The following RFTN1 variants were observed in gnomAD, a reference collection of about 807,000 sequenced individuals.
The protein encoded by RFTN1 is raftlin, lipid raft linker 1, also known as raftlin.
Under a neutral mutation model 46.5 loss-of-function variants are expected in RFTN1, and 26 were observed. The ratio of observed to expected loss-of-function variants is 0.56; its 90% CI spans 0.41 to 0.78. The LOEUF is 0.78. Among genes scored for constraint, RFTN1 ranks in the 30% least tolerant of loss-of-function variants. The pLI, the probability that RFTN1 is intolerant of heterozygous loss-of-function variation, is 0.00. For missense variants in RFTN1, 693 were observed against 718.7 expected (o/e 0.96, Z 0.41); for synonymous variants, 261 against 284.2 (o/e 0.92, Z 0.82).
In RFTN1 at chr3:16,509,868, C is replaced by T. The variant is rs539035174; in HGVS notation, c.-9+3574G>A. Among the ~76,000 whole-genome samples, 1 of 152,336 alleles carries T rather than the reference C, an allele frequency of 6.6e-6. No individual in the cohort carries two copies. Among genetic ancestry groups the T allele is most frequent in the Admixed American group, 6.5e-5 (1 of 15,306 alleles). ...AGGAGGAGGGAACAGTCCCCAAACACAGTGCAATGTCTCAAGACTGAGCTG... is the reference window on the plus strand; with the variant it reads ...AGGAGGAGGGAACAGTCCCCAAACATAGTGCAATGTCTCAAGACTGAGCTG... On this transcript the variant is annotated intron_variant, in intron 1 of 9. Transcript: ENST00000334133. This position sits in a 1 kb window ranked among gnomAD's most constrained non-coding sequence, Gnocchi z 4.9.
intron 4 of RFTN1, among the ~76,000 whole-genome samples, chr3:16,397,600 A>G (rs566364933): frequency 1.7e-4 from 26 of 152,330 alleles, no homozygotes; most frequent in African/African-American, 6.3e-4. Context: ...TATGTACAAT[A>G]AAAATAAAAC....
Position 16,447,620 on chromosome 3 carries a change from C to T in RFTN1, c.146-13583G>A, listed in dbSNP as rs923180004. On this transcript the variant is annotated intron_variant, in intron 2 of 9. Transcript: ENST00000334133. This position sits in a 1 kb window ranked among gnomAD's most constrained non-coding sequence, Gnocchi z 5.9. ...CCTCCCAGCTGCCTTCTCAGGCATTCCAGTGAAAAAGAGAAAAGTTTGAGA... is the reference window on the plus strand; with the variant it reads ...CCTCCCAGCTGCCTTCTCAGGCATTTCAGTGAAAAAGAGAAAAGTTTGAGA... 2.6e-5 allele frequency among the ~76,000 whole-genome samples: 4 copies of T among 152,094 alleles called. No homozygotes were observed. The highest frequency in any genetic ancestry group is 7.2e-5 in the African/African-American group (3 of 41,400).
Position 16,413,783 on chromosome 3 carries a change from A to T in RFTN1, c.333-4300T>A, listed in dbSNP as rs2075018418. ...TGCTTCCCCATCACTCGCCATCCCCAACTTGGTATGATAATTCCAATAGAT... is the reference window on the plus strand; with the variant it reads ...TGCTTCCCCATCACTCGCCATCCCCTACTTGGTATGATAATTCCAATAGAT... On this transcript the variant is annotated intron_variant, in intron 3 of 9. Transcript: ENST00000334133. This position sits in a 1 kb window ranked among gnomAD's most constrained non-coding sequence, Gnocchi z 4.7. Among the ~76,000 whole-genome samples the T allele has an allele frequency of 6.6e-6, 1 of 152,196 alleles. No individual in the cohort carries two copies. The highest frequency in any genetic ancestry group is 1.5e-5 in the Non-Finnish European group (1 of 68,026).
At chr3:16,490,715 A>C (rs898220321) in intron 2 of RFTN1, among the ~76,000 whole-genome samples, 1 of 152,258 alleles carries the variant, frequency 6.6e-6, no homozygotes, top group East Asian at 1.9e-4. Context: ...TCACAACATT[A>C]TTTGTAATAG....
At position 16,458,977 on chromosome 3, in the gene RFTN1, C is replaced by G. The variant is rs1218803026; in HGVS notation, c.146-24940G>C. On this transcript the variant is annotated intron_variant, in intron 2 of 9. Coordinates refer to ENST00000334133, the MANE Select transcript of RFTN1 (RefSeq NM_015150.2). This position sits in a 1 kb window ranked among gnomAD's most constrained non-coding sequence, Gnocchi z 5.1. ...TTGAGACAGCGTCTCACTCTGTCAC[C>G]AGGTTGGAGAGCAGTGATGCCATCA... is the stretch of plus-strand genomic sequence containing the variant. 6.6e-6 allele frequency among the ~76,000 whole-genome samples: 1 copy of G among 152,128 alleles called. No individual in the cohort carries two copies. Among genetic ancestry groups the G allele is most frequent in the Non-Finnish European group, 1.5e-5 (1 of 68,012 alleles).
chr3:16,508,703 C>T (rs1467081908), intron 1 of RFTN1, among the ~76,000 whole-genome samples: 1 of 150,696 alleles, frequency 6.6e-6, no homozygotes, highest in African/African-American at 2.5e-5. Context: ...CACGCACACA[C>T]ACACACACAC....
chr3:16,492,814 C>G (rs1383347694), intron 2 of RFTN1, among the ~76,000 whole-genome samples: 1 of 152,180 alleles, frequency 6.6e-6, no homozygotes, highest in East Asian at 1.9e-4. Flanking sequence ...ATAGAACACT[C>G]CAAGATGCCA....
Position 16,380,408 on chromosome 3 carries a change from G to A in RFTN1, c.442-2306C>T, listed in dbSNP as rs183328421. On this transcript the variant is annotated intron_variant, in intron 4 of 9. Coordinates refer to ENST00000334133, the MANE Select transcript of RFTN1 (RefSeq NM_015150.2). The surrounding 1 kb of genome is among the most constrained non-coding windows in gnomAD (Gnocchi z 4.8). ...CTGCTGTCATCTAGAGTGAAGAGGCGAGGACTCCAGACACAGGGCATTATC... is the reference window on the plus strand; with the variant it reads ...CTGCTGTCATCTAGAGTGAAGAGGCAAGGACTCCAGACACAGGGCATTATC... Among the ~76,000 whole-genome samples, 13 of 152,224 alleles carry A rather than the reference G, an allele frequency of 8.5e-5. No individual in the cohort carries two copies. The highest frequency in any genetic ancestry group is 6.5e-4 in the Admixed American group (10 of 15,298).
intron 3 of RFTN1, among the ~76,000 whole-genome samples, chr3:16,414,611 A>G (rs2075040070): frequency 6.6e-6 from 1 of 151,910 alleles, no homozygotes; most frequent in Non-Finnish European, 1.5e-5. Flanking sequence ...CTCAAAAAAA[A>G]AAAAAAGAAA....
rs889066120 is a variant in RFTN1, at chr3:16,480,083, C to A, written c.145+13642G>T. Among the ~76,000 whole-genome samples the A allele has an allele frequency of 1.3e-5, 2 of 152,096 alleles. No individual in the cohort carries two copies. The highest frequency in any genetic ancestry group is 4.8e-5 in the African/African-American group (2 of 41,386). ...TCACCATTGCATGCTCAATACAGAG[C>A]CTGAAAAAGAGTAGATAATCAATAA... On this transcript the variant is annotated intron_variant, in intron 2 of 9. Transcript: ENST00000334133. The surrounding 1 kb of genome is among the most constrained non-coding windows in gnomAD (Gnocchi z 4.3).
At chr3:16,404,547 A>G (rs2074803826) in intron 4 of RFTN1, among the ~76,000 whole-genome samples, 2 of 149,616 alleles carry the variant, frequency 1.3e-5, no homozygotes, top group African/African-American at 4.9e-5. Flanking sequence ...TCTGCTCCAC[A>G]TAATCAAAGG....
At chr3:16,445,596 A>C (rs900877854) in intron 2 of RFTN1, among the ~76,000 whole-genome samples, 1 of 151,940 alleles carries the variant, frequency 6.6e-6, no homozygotes, top group African/African-American at 2.4e-5. Context: ...AGTCTGAATG[A>C]ATGTGGTATA....
chr3:16,505,869 G>T (rs2076796291), intron 1 of RFTN1, among the ~76,000 whole-genome samples: 1 of 152,096 alleles, frequency 6.6e-6, no homozygotes, highest in Non-Finnish European at 1.5e-5. Flanking sequence ...GCCACTCTAG[G>T]CCATTGATTC....
Position 16,400,505 on chromosome 3 carries a change from C to G in RFTN1, c.441+8870G>C, listed in dbSNP as rs1479078255. Among the ~76,000 whole-genome samples, 2 of 152,242 alleles carry G rather than the reference C, an allele frequency of 1.3e-5. No homozygotes were observed. Among genetic ancestry groups the G allele is most frequent in the Non-Finnish European group, 2.9e-5 (2 of 68,044 alleles). On this transcript the variant is annotated intron_variant, in intron 4 of 9. Transcript: ENST00000334133. The surrounding 1 kb of genome is among the most constrained non-coding windows in gnomAD (Gnocchi z 4.5). ...CAGCTAGACTCTAAGTTTCACGTGT[C>G]CAGGGCATTACCTAGACCGGCTTAC...
In RFTN1 at chr3:16,413,635, G is replaced by A. The variant is rs2075015659; in HGVS notation, c.333-4152C>T. ...AAAGAAAACACAGAATGCATTTCTG[G>A]AGACGTACACAGGGTTAACTAACAG... is the stretch of plus-strand genomic sequence containing the variant. On this transcript the variant is annotated intron_variant, in intron 3 of 9. Transcript: ENST00000334133. The surrounding 1 kb of genome is among the most constrained non-coding windows in gnomAD (Gnocchi z 4.7). 6.6e-6 allele frequency among the ~76,000 whole-genome samples: 1 copy of A among 152,132 alleles called. No individual in the cohort carries two copies. The highest frequency in any genetic ancestry group is 2.4e-5 in the African/African-American group (1 of 41,422).
chr3:16,389,816 A>G (rs2074303777), intron 4 of RFTN1, among the ~76,000 whole-genome samples: 1 of 152,228 alleles, frequency 6.6e-6, no homozygotes, highest in South Asian at 2.1e-4. Context: ...CCTGTACTTC[A>G]ACCACTATGG....
At chr3:16,467,758 T>C (rs2076125447) in intron 2 of RFTN1, among the ~76,000 whole-genome samples, 1 of 152,016 alleles carries the variant, frequency 6.6e-6, no homozygotes, top group Admixed American at 6.5e-5. Flanking sequence ...AAAGTTCAGT[T>C]GAAGAAAGGA....
chr3:16,440,601 A>C lies in RFTN1; in HGVS notation c.146-6564T>G, dbSNP rs1256981596. Among the ~76,000 whole-genome samples the C allele has an allele frequency of 6.6e-6, 1 of 152,094 alleles. No individual in the cohort carries two copies. The highest frequency in any genetic ancestry group is 1.5e-5 in the Non-Finnish European group (1 of 68,010). ...AGAGGTATCTGCAGGCCAGGAAAAT[A>C]AAGTAAACAAGAGACATGAGCCAGG... On this transcript the variant is annotated intron_variant, in intron 2 of 9. Transcript: ENST00000334133. The surrounding 1 kb of genome is among the most constrained non-coding windows in gnomAD (Gnocchi z 4.6).
intron 6 of RFTN1, among the ~76,000 whole-genome samples, chr3:16,367,052 C>T (rs2073228146): frequency 6.6e-6 from 1 of 152,210 alleles, no homozygotes; most frequent in Non-Finnish European, 1.5e-5. Context: ...GGAGTCTGCA[C>T]TGGGTAATTC....
Sources: gnomAD v4.1 joint callset for allele counts (sites outside exome capture counted in the v4.1 genomes callset) on GRCh38, gnomAD v4.1.1 for gene constraint, Gnocchi (gnomAD v3.1) non-coding constraint, MANE v1.5 for transcripts, NCBI Gene and HGNC (gene_info 2026-07-23, HGNC 2026-07-21) for gene names.